Variants in HMCN1 observed in about 807,000 individuals in gnomAD.
HMCN1 encodes the protein hemicentin 1.
Under a neutral mutation model 625.9 loss-of-function variants are expected in HMCN1, and 321 were observed. That is an observed-to-expected ratio of 0.51 (90% CI 0.47 to 0.56). HMCN1 has a LOEUF of 0.56. Among genes scored for constraint, HMCN1 ranks in the 20% least tolerant of loss-of-function variants. The probability of loss-of-function intolerance (pLI) is 0.00; values close to 1 mark genes in which losing one functional copy is unlikely to be tolerated. For missense variants in HMCN1, 6,588 were observed against 6,887.3 expected (o/e 0.96, Z 1.54); for synonymous variants, 2,425 against 2,417.6 (o/e 1.00, Z -0.09).
intron 28 of HMCN1, among the ~76,000 whole-genome samples, chr1:186,002,165 C>T (rs1424388630): frequency 6.6e-6 from 1 of 152,042 alleles, no homozygotes; most frequent in Non-Finnish European, 1.5e-5. Context: ...GTAGTAAATC[C>T]ACTTTCCCCT....
chr1:185,952,847 C>T (rs1173435700), intron 11 of HMCN1, among the ~76,000 whole-genome samples: 1 of 150,610 alleles, frequency 6.6e-6, no homozygotes, highest in East Asian at 2.0e-4. Context: ...TTCTTGCCCT[C>T]CAGAAAAGCA....
chr1:186,036,488 C>G (rs913906620), intron 36 of HMCN1, among the ~76,000 whole-genome samples: 1 of 152,116 alleles, frequency 6.6e-6, no homozygotes, highest in African/African-American at 2.4e-5. Context: ...TGGAGGAAAC[C>G]GCTCCCATGA....
chr1:185,808,317 A>G (rs1036483851), intron 1 of HMCN1, among the ~76,000 whole-genome samples: 1 of 152,134 alleles, frequency 6.6e-6, no homozygotes, highest in Non-Finnish European at 1.5e-5. Context: ...ACTGCACTCC[A>G]GCCTGGATGA....
chr1:186,141,929 C>T (rs1649987764), intron 89 of HMCN1, among the ~76,000 whole-genome samples: 1 of 152,202 alleles, frequency 6.6e-6, no homozygotes, highest in Non-Finnish European at 1.5e-5. Context: ...AAAACTGCAA[C>T]ATAGTGTAAC....
intron 1 of HMCN1, among the ~76,000 whole-genome samples, chr1:185,805,833 T>G (rs879310298): frequency 6.6e-6 from 1 of 152,126 alleles, no homozygotes; most frequent in Admixed American, 6.6e-5. Context: ...ATTGGTAGAG[T>G]CAATACTTGA....
intron 10 of HMCN1, 58 bp downstream of exon 10, chr1:185,928,725 G>T: frequency 6.4e-7 from 1 of 1,563,038 alleles, no homozygotes; most frequent in Non-Finnish European, 8.8e-7. Context: ...ATGGAAATGG[G>T]ATGTTTGTTA....
At chr1:186,131,213 T>C (rs1405703517) in intron 85 of HMCN1, among the ~76,000 whole-genome samples, 2 of 152,180 alleles carry the variant, frequency 1.3e-5, no homozygotes, top group Non-Finnish European at 2.9e-5. Flanking sequence ...TGTGCTGTCA[T>C]TGTTTAAGTA....
chr1:185,909,403 G>C lies in HMCN1; in HGVS notation c.688G>C (p.Glu230Gln), dbSNP rs755109923. ...TCACCTTTTATCCACAGATCATTTG[G>C]AACAGGCTGTAAATACTTGGAGAAT... ...KVHLLSTDHL[E>Q]QAVNTWRIPF... The change falls in exon 5 of 107, where the codon GAA becomes CAA. Residue 230 changes from glutamate to glutamine, a missense_variant. By Grantham distance (29) the Glu-to-Gln change is conservative. Transcript: ENST00000271588. 3 of 1,613,264 alleles carry C rather than the reference G, an allele frequency of 1.9e-6. No homozygotes were observed. The highest frequency in any genetic ancestry group is 4.5e-5 in the East Asian group (2 of 44,864).
At chr1:185,791,777 A>G (rs995095832) in intron 1 of HMCN1, among the ~76,000 whole-genome samples, 1 of 152,150 alleles carries the variant, frequency 6.6e-6, no homozygotes, top group Non-Finnish European at 1.5e-5. Context: ...ATCAGTCATG[A>G]TTTCTTCATA....
chr1:185,903,186 G>T (rs1411141574), intron 4 of HMCN1, among the ~76,000 whole-genome samples: 2 of 151,788 alleles, frequency 1.3e-5, no homozygotes, highest in Non-Finnish European at 2.9e-5. Flanking sequence ...TAGCAGGAAT[G>T]ATTTCACTGT....
At chr1:185,909,270 A>C in intron 4 of HMCN1, 67 bp from the exon 5 acceptor site, 1 of 1,282,316 alleles carries the variant, frequency 7.8e-7, no homozygotes, top group South Asian at 1.2e-5. Context: ...AAAGGACCTG[A>C]AACAGCAATG....
intron 41 of HMCN1, 42 bp from the exon 42 acceptor site, chr1:186,048,701 T>A (rs747339120): frequency 8.4e-7 from 1 of 1,185,482 alleles, no homozygotes; most frequent in Admixed American, 1.7e-5. Flanking sequence ...AAACCCCAAG[T>A]GAAATAGAAA....
At chr1:185,800,814 A>G (rs1275999561) in intron 1 of HMCN1, among the ~76,000 whole-genome samples, 1 of 152,180 alleles carries the variant, frequency 6.6e-6, no homozygotes, top group Non-Finnish European at 1.5e-5. Flanking sequence ...TGAAACATGA[A>G]TGTCTGATAG....
At chr1:186,141,287 AC>A (rs1649944790) in intron 89 of HMCN1, among the ~76,000 whole-genome samples, 1 of 151,624 alleles carries the variant, frequency 6.6e-6, no homozygotes, top group Non-Finnish European at 1.5e-5. Flanking sequence ...GGGATTGAGG[AC>A]CCCTGGTTTA....
intron 2 of HMCN1, among the ~76,000 whole-genome samples, chr1:185,858,419 T>A (rs1337291541): frequency 2.0e-5 from 3 of 151,470 alleles, no homozygotes; most frequent in Non-Finnish European, 4.4e-5. Context: ...AAAGGATTTA[T>A]TTTATTTATT....
intron 2 of HMCN1, among the ~76,000 whole-genome samples, chr1:185,847,961 A>G (rs887198699): frequency 2.0e-5 from 3 of 152,072 alleles, no homozygotes; most frequent in Non-Finnish European, 4.4e-5. Flanking sequence ...TCCAAAAGAA[A>G]GCAAAAAAAA....
chr1:185,899,965 G>C (rs1014768196), intron 4 of HMCN1, among the ~76,000 whole-genome samples: 1 of 151,940 alleles, frequency 6.6e-6, no homozygotes, highest in Admixed American at 6.6e-5. Context: ...AAAATAAATA[G>C]AAACAATATT....
At chr1:185,982,495 C>T in intron 18 of HMCN1, 106 bp downstream of exon 18, 14 of 1,078,706 alleles carry the variant, frequency 1.3e-5, no homozygotes, top group Admixed American at 8.4e-5. Context: ...GGCTGGAGTG[C>T]AGTGGTGGGA....
At chr1:185,920,414 A>G (rs1260173730) in intron 6 of HMCN1, among the ~76,000 whole-genome samples, 1 of 152,182 alleles carries the variant, frequency 6.6e-6, no homozygotes, top group Non-Finnish European at 1.5e-5. Flanking sequence ...TAGTATAGAC[A>G]CATGAAATTA....
Sources: gnomAD v4.1 joint callset for allele counts (sites outside exome capture counted in the v4.1 genomes callset) on GRCh38, gnomAD v4.1.1 for gene constraint, MANE v1.5 for transcripts, NCBI Gene and HGNC (gene_info 2026-07-23, HGNC 2026-07-21) for gene names.